The following MAN2A1 variants were observed in gnomAD, a reference collection of about 807,000 sequenced individuals.
MAN2A1 encodes alpha-mannosidase 2.
In MAN2A1, 76 loss-of-function variants were observed where a neutral mutation model predicts 142.6. The ratio of observed to expected loss-of-function variants is 0.53; its 90% confidence interval spans 0.44 to 0.65. MAN2A1 has a LOEUF of 0.65. Among genes scored for constraint, MAN2A1 ranks in the 30% least tolerant of loss-of-function variants. MAN2A1 has a pLI of 0.00. For missense variants in MAN2A1, 1,311 were observed against 1,365.1 expected (o/e 0.96, Z 0.62); for synonymous variants, 559 against 473.2 (o/e 1.18, Z -2.35).
chr5:109,792,758 T>C (rs996888692), intron 12 of MAN2A1, among the ~76,000 whole-genome samples: 1 of 152,068 alleles, frequency 6.6e-6, no homozygotes, highest in East Asian at 1.9e-4. Flanking sequence ...GGAGGGCTCA[T>C]ATACATTGCT....
intron 19 of MAN2A1, among the ~76,000 whole-genome samples, chr5:109,852,655 T>C (rs79400661): frequency 0.019 from 2,918 of 152,298 alleles, 40 homozygotes; most frequent in Middle Eastern, 0.078. Context: ...GCTACACTTA[T>C]ACAGTCTGAA....
chr5:109,830,867 A>G (rs562482747), intron 16 of MAN2A1, among the ~76,000 whole-genome samples: 103 of 152,358 alleles, frequency 6.8e-4, no homozygotes, highest in African/African-American at 2.4e-3. Context: ...AGGGACTGCA[A>G]GCACATTCTG....
intron 12 of MAN2A1, chr5:109,804,277 G>T (rs1754106407): frequency 1.0e-6 from 1 of 987,118 alleles, no homozygotes; most frequent in Non-Finnish European, 1.2e-6. Context: ...ACAACTTTGT[G>T]GTAAAAGAAA....
At chr5:109,718,974 T>C (rs968704122) in intron 3 of MAN2A1, among the ~76,000 whole-genome samples, 4 of 54,882 alleles carry the variant, frequency 7.3e-5, no homozygotes, top group Non-Finnish European at 1.4e-4. Flanking sequence ...TTATTTCTAT[T>C]CTTAAAAAAA....
At chr5:109,783,332 A>T (rs1368763094) in intron 9 of MAN2A1, among the ~76,000 whole-genome samples, 1 of 152,134 alleles carries the variant, frequency 6.6e-6, no homozygotes, top group East Asian at 1.9e-4. Flanking sequence ...TCATTTGCAA[A>T]ATGTGGATAA....
At chr5:109,698,603 A>G (rs941307546) in intron 1 of MAN2A1, among the ~76,000 whole-genome samples, 1 of 152,204 alleles carries the variant, frequency 6.6e-6, no homozygotes, top group Non-Finnish European at 1.5e-5. Flanking sequence ...AAATGGATTT[A>G]CCACTGGCCT....
At chr5:109,746,970 T>G (rs1752425688) in intron 4 of MAN2A1, among the ~76,000 whole-genome samples, 1 of 152,224 alleles carries the variant, frequency 6.6e-6, no homozygotes, top group Non-Finnish European at 1.5e-5. Flanking sequence ...CTACATGATA[T>G]TCCCCTGTAT....
Position 109,697,776 on chromosome 5 carries a change from T to A in MAN2A1, c.135+7224T>A, listed in dbSNP as rs1378903466. Reference sequence around the variant, plus strand: ...CTCTATTGTTAATATTGGAGGCAAATAGTATTGTTAGATCTGTTAAAGTAG... The same window carrying A: ...CTCTATTGTTAATATTGGAGGCAAAAAGTATTGTTAGATCTGTTAAAGTAG... On this transcript the variant is annotated intron_variant, in intron 1 of 21. Coordinates refer to ENST00000261483, the MANE Select transcript of MAN2A1 (RefSeq NM_002372.4). Among the ~76,000 whole-genome samples, 4 of 152,212 alleles carry A rather than the reference T, an allele frequency of 2.6e-5. 1 individual carries two copies. In the South Asian group the frequency reaches 8.3e-4, roughly 32 times the overall value.
In MAN2A1 at chr5:109,729,494, A is replaced by G. The variant is rs1431547619; in HGVS notation, c.688A>G (p.Lys230Glu). 3 of 1,539,872 alleles carry G rather than the reference A, an allele frequency of 1.9e-6. No homozygotes were observed. The East Asian group carries it at 7.0e-5, about 36-fold the overall frequency. The change falls in exon 4 of 22, where the codon AAG becomes GAG. Residue 230 changes from lysine (K) to glutamate (E), a missense_variant. Physicochemically the swap from Lys to Glu is moderately conservative, Grantham distance 56 (BLOSUM62 1). Coordinates refer to ENST00000261483, the MANE Select transcript of MAN2A1 (RefSeq NM_002372.4). ...GTGGTGGGATATTATAGATATTCAG[A>G]AGAAGGATGCTGTTAAAAGGTTTGT... ...SKWWDIIDIQ[K>E]KDAVKSLIEN...
chr5:109,749,059 A>G (rs1354773488), intron 4 of MAN2A1, among the ~76,000 whole-genome samples: 1 of 152,054 alleles, frequency 6.6e-6, no homozygotes, highest in African/African-American at 2.4e-5. Context: ...GAAATACTGT[A>G]TGTCATCTTG....
chr5:109,717,208 T>G (rs886293531), intron 3 of MAN2A1, among the ~76,000 whole-genome samples: 1 of 152,214 alleles, frequency 6.6e-6, no homozygotes, highest in Non-Finnish European at 1.5e-5. Flanking sequence ...TTTTCTTTGC[T>G]TCCAGCATTC....
At chr5:109,734,648 C>G (rs1185033923) in intron 4 of MAN2A1, among the ~76,000 whole-genome samples, 5 of 152,156 alleles carry the variant, frequency 3.3e-5, no homozygotes, top group African/African-American at 4.8e-5. Context: ...CATTCAGGAA[C>G]AGGTTGTTCA....
intron 16 of MAN2A1, among the ~76,000 whole-genome samples, chr5:109,829,289 T>G (rs1448747094): frequency 6.6e-6 from 1 of 152,236 alleles, no homozygotes; most frequent in African/African-American, 2.4e-5. Context: ...GACTGCCTAA[T>G]GATTTTCCAT....
chr5:109,800,815 C>T (rs979515132), intron 12 of MAN2A1, among the ~76,000 whole-genome samples: 1 of 152,046 alleles, frequency 6.6e-6, no homozygotes, highest in Non-Finnish European at 1.5e-5. Context: ...GTGCTTGGTA[C>T]ATAGGAGGTG....
chr5:109,832,563 T>C (rs1292882985), intron 16 of MAN2A1, among the ~76,000 whole-genome samples: 1 of 152,202 alleles, frequency 6.6e-6, no homozygotes, highest in African/African-American at 2.4e-5. Flanking sequence ...GAGTCTCCCA[T>C]GTCTACTTCT....
intron 12 of MAN2A1, among the ~76,000 whole-genome samples, chr5:109,813,211 A>G (rs1409003970): frequency 1.3e-5 from 2 of 152,178 alleles, no homozygotes; most frequent in African/African-American, 4.8e-5. Flanking sequence ...TAAATAGCTT[A>G]TTGCTTATCT....
At chr5:109,853,152 T>C (rs1350460266) in intron 19 of MAN2A1, among the ~76,000 whole-genome samples, 3 of 152,208 alleles carry the variant, frequency 2.0e-5, no homozygotes, top group Non-Finnish European at 4.4e-5. Flanking sequence ...GTTTTTCTAA[T>C]GCAAAGGTAG....
chr5:109,697,552 GA>G (rs1349488400), intron 1 of MAN2A1, among the ~76,000 whole-genome samples: 1 of 152,202 alleles, frequency 6.6e-6, no homozygotes, highest in Non-Finnish European at 1.5e-5. Context: ...CATGTGCTAA[GA>G]ATGGTTTTTA....
Position 109,730,879 on chromosome 5 carries a change from C to A in MAN2A1, c.707+1366C>A, listed in dbSNP as rs12652644. 0.012 allele frequency among the ~76,000 whole-genome samples: 1,765 copies of A among 152,204 alleles called. 177 individuals carry two copies. The East Asian group carries it at 0.25, about 21-fold the overall frequency. ...CTTCTTTGCACACTGCGCCATCCTG[C>A]CTTCCTAAGATTGAATTAGTCCATC... On this transcript the variant is annotated intron_variant, in intron 4 of 21. Coordinates refer to ENST00000261483, the MANE Select transcript of MAN2A1 (RefSeq NM_002372.4).
Sources: allele counts gnomAD v4.1 joint callset (sites outside exome capture counted in the v4.1 genomes callset), GRCh38; gene constraint gnomAD v4.1.1; transcripts MANE v1.5; gene names NCBI Gene and HGNC (gene_info 2026-07-23, HGNC 2026-07-21).